The following FXN variants were observed in gnomAD, a reference collection of about 807,000 sequenced individuals.
The protein encoded by FXN is frataxin, also known as frataxin, mitochondrial.
Under a neutral mutation model 22.4 loss-of-function variants are expected in FXN, and 14 were observed. The observed-to-expected ratio is 0.62, with a 90% CI of 0.41 to 0.98. The LOEUF is 0.98. Among genes scored for constraint, FXN ranks in the 50% least tolerant of loss-of-function variants. The pLI is 0.00. For synonymous variants in FXN, 120 were observed against 114.1 expected (o/e 1.05, Z -0.33); for missense variants, 267 against 268.4 (o/e 0.99, Z 0.04).
Position 69,074,940 on chromosome 9 carries a change from CACTT to C in FXN, c.*2184_*2187del. The C allele has an allele frequency of 2.0e-6, 2 of 985,388 alleles. No individual in the cohort carries two copies. The highest frequency in any genetic ancestry group is 4.7e-5 in the South Asian group (1 of 21,284). 61.0% of individuals were successfully genotyped at this position (985,388 alleles called of 1,614,324 possible). A position where few individuals can be genotyped will look rare whatever the true frequency, so the allele number is the denominator to read the frequency against. Reference sequence around the variant, plus strand: ...TTCTACTGAAAGTTTCAGTGCACCCCACTTACTTAGAACTCGGTGACATGATGTA... The same window carrying C: ...TTCTACTGAAAGTTTCAGTGCACCCCACTTAGAACTCGGTGACATGATGTA... On this transcript the variant is annotated 3_prime_UTR_variant, in exon 5 of 5. Transcript: ENST00000484259.
intron 1 of FXN, among the ~76,000 whole-genome samples, chr9:69,042,712 A>G (rs1293867791): frequency 6.6e-6 from 1 of 152,198 alleles, no homozygotes; most frequent in African/African-American, 2.4e-5. Flanking sequence ...ACACAAACAA[A>G]AACAGCTATT....
rs184628569 is a variant in FXN, at chr9:69,077,414, A to G, written c.*4652A>G. On this transcript the variant is annotated 3_prime_UTR_variant, in exon 5 of 5. Coordinates refer to ENST00000484259, the MANE Select transcript of FXN (RefSeq NM_000144.5). ...TAAGGAATGGAAGGCACCAGAACAGATTTATTGAAATGTTTATTAGCTGAA... is the reference window on the plus strand; with the variant it reads ...TAAGGAATGGAAGGCACCAGAACAGGTTTATTGAAATGTTTATTAGCTGAA... 5.1e-6 allele frequency: 5 copies of G among 985,412 alleles called. No homozygotes were observed. The Admixed American group carries it at 3.1e-4, about 61-fold the overall frequency. The allele number at this position is 985,412 out of a possible 1,614,324, so 61.0% of individuals were successfully genotyped here. A position where few individuals can be genotyped will look rare whatever the true frequency, so the allele number is the denominator to read the frequency against.
chr9:69,058,318 C>T (rs149569204), intron 3 of FXN, among the ~76,000 whole-genome samples: 2 of 152,116 alleles, frequency 1.3e-5, no homozygotes, highest in African/African-American at 2.4e-5. Context: ...CTGTGGAGTC[C>T]GCTCTACTTG....
chr9:69,040,555 C>A (rs1831638646), intron 1 of FXN, among the ~76,000 whole-genome samples: 1 of 152,050 alleles, frequency 6.6e-6, no homozygotes, highest in South Asian at 2.1e-4. Flanking sequence ...GTAGTCCCCA[C>A]TACTCGGGAC....
At chr9:69,055,250 G>C (rs1003584708) in intron 3 of FXN, among the ~76,000 whole-genome samples, 2 of 152,172 alleles carry the variant, frequency 1.3e-5, no homozygotes, top group African/African-American at 2.4e-5. Context: ...GATCAGAGGT[G>C]GGGGAGTTAA....
chr9:69,043,910 A>G (rs1162215954), intron 1 of FXN, among the ~76,000 whole-genome samples: 2 of 152,042 alleles, frequency 1.3e-5, no homozygotes, highest in East Asian at 3.9e-4. Flanking sequence ...TCAAGTTGAA[A>G]TGAGGTCTCT....
At chr9:69,041,108 C>G (rs1227964260) in intron 1 of FXN, among the ~76,000 whole-genome samples, 1 of 152,164 alleles carries the variant, frequency 6.6e-6, no homozygotes, top group African/African-American at 2.4e-5. Context: ...TTGTTTGTTC[C>G]TCTGGAGGCC....
rs7857635 is a variant in FXN, at chr9:69,073,318, C to T, written c.*556C>T. 52,025 of 997,222 alleles carry T rather than the reference C, an allele frequency of 0.052. 1,608 individuals carry two copies. Among genetic ancestry groups the T allele is most frequent in the African/African-American group, 0.13 (7,311 of 57,346 alleles). The allele number at this position is 997,222 out of a possible 1,614,324, so 61.8% of individuals were successfully genotyped here. A position where few individuals can be genotyped will look rare whatever the true frequency, so the allele number is the denominator to read the frequency against. ...ACGGGAAGATCATTTCTTATTTGTG[C>T]TCTGTGACTGCCAAGGTGTGGCCTG... On this transcript the variant is annotated 3_prime_UTR_variant, in exon 5 of 5. Coordinates refer to ENST00000484259, the MANE Select transcript of FXN (RefSeq NM_000144.5).
rs980886180 is a variant in FXN, at chr9:69,075,320, C to T, written c.*2558C>T. ...TAAAAATATTAAAAAATTGGCTGGGCGTGGTGGTTCGTGCCTATAATTTCA... is the reference window on the plus strand; with the variant it reads ...TAAAAATATTAAAAAATTGGCTGGGTGTGGTGGTTCGTGCCTATAATTTCA... On this transcript the variant is annotated 3_prime_UTR_variant, in exon 5 of 5. Transcript: ENST00000484259. 7 of 577,926 alleles carry T rather than the reference C, an allele frequency of 1.2e-5. No individual in the cohort carries two copies. Among genetic ancestry groups the T allele is most frequent in the African/African-American group, 8.1e-5 (4 of 49,128 alleles). The allele number at this position is 577,926 out of a possible 1,614,324, so 35.8% of individuals were successfully genotyped here.
rs1237540886 is a variant in FXN, at chr9:69,076,240, A to G, written c.*3478A>G. The G allele has an allele frequency of 6.1e-6, 6 of 981,182 alleles. No homozygotes were observed. Among genetic ancestry groups the G allele is most frequent in the Non-Finnish European group, 7.2e-6 (6 of 827,720 alleles). 60.8% of individuals were successfully genotyped at this position (981,182 alleles called of 1,614,324 possible). On this transcript the variant is annotated 3_prime_UTR_variant, in exon 5 of 5. Coordinates refer to ENST00000484259, the MANE Select transcript of FXN (RefSeq NM_000144.5). ...ATGTTTTTTTTTTTTTTAATCTATA[A>G]AATGGAGATATCTAACATGTTGAGC...
At position 69,053,127 on chromosome 9, in the gene FXN, G is replaced by A; in HGVS notation, c.264-13G>A. The A allele has an allele frequency of 6.2e-7, 1 of 1,613,132 alleles. No individual in the cohort carries two copies. The highest frequency in any genetic ancestry group is 1.1e-5 in the South Asian group (1 of 90,958). On this transcript the variant is annotated splice_polypyrimidine_tract_variant and intron_variant, in intron 2 of 4. Transcript: ENST00000484259. ...TTGGTAATCATGTTTTGGGTTTTGT[G>A]CTTCCTCTGCAGCTCTCTAGATGAG...
intron 3 of FXN, among the ~76,000 whole-genome samples, chr9:69,059,209 G>A (rs10126006): frequency 0.37 from 56,556 of 151,818 alleles, 11,290 homozygotes; most frequent in Non-Finnish European, 0.43. Context: ...TACAAGAGTA[G>A]ATTGCAGTTC....
At chr9:69,044,942 G>A (rs1170440748) in intron 1 of FXN, among the ~76,000 whole-genome samples, 2 of 152,188 alleles carry the variant, frequency 1.3e-5, no homozygotes, top group Non-Finnish European at 2.9e-5. Flanking sequence ...GCAGGATTCT[G>A]CCTCTTGCTA....
At chr9:69,044,235 G>A (rs985217003) in intron 1 of FXN, among the ~76,000 whole-genome samples, 1 of 152,136 alleles carries the variant, frequency 6.6e-6, no homozygotes, top group African/African-American at 2.4e-5. Context: ...ATAAGAGTAC[G>A]TCCCTCACAG....
chr9:69,048,465 C>G (rs150103002), intron 2 of FXN, among the ~76,000 whole-genome samples: 1 of 152,010 alleles, frequency 6.6e-6, no homozygotes, highest in Non-Finnish European at 1.5e-5. Context: ...GTTAGCCAGG[C>G]GTGGTGGCAG....
Position 69,078,724 on chromosome 9 carries a change from A to C in FXN, c.*5962A>C, listed in dbSNP as rs1030821941. The C allele has an allele frequency of 4.1e-6, 4 of 985,238 alleles. No homozygotes were observed. The highest frequency in any genetic ancestry group is 4.8e-6 in the Non-Finnish European group (4 of 829,938). 61.0% of individuals were successfully genotyped at this position (985,238 alleles called of 1,614,324 possible). ...CTCAGACTTGGCCAGTGCTGTTTCC[A>C]TTTTGGTCTTTATTCCCCACATCTC... On this transcript the variant is annotated 3_prime_UTR_variant, in exon 5 of 5. Coordinates refer to ENST00000484259, the MANE Select transcript of FXN (RefSeq NM_000144.5).
chr9:69,059,391 CTTTTTTT>C (rs35159671), intron 3 of FXN, among the ~76,000 whole-genome samples: 37 of 62,996 alleles, frequency 5.9e-4, no homozygotes, highest in Middle Eastern at 0.024. Flanking sequence ...GAGGCAGCAT[CTTTTTTT>C]TTTTTTTTTT....
Position 69,078,317 on chromosome 9 carries a change from A to G in FXN, c.*5555A>G, listed in dbSNP as rs983935974. The G allele has an allele frequency of 8.1e-6, 8 of 985,410 alleles. No individual in the cohort carries two copies. The highest frequency in any genetic ancestry group is 9.6e-6 in the Non-Finnish European group (8 of 830,004). 61.0% of individuals were successfully genotyped at this position (985,410 alleles called of 1,614,324 possible). A position where few individuals can be genotyped will look rare whatever the true frequency, so the allele number is the denominator to read the frequency against. ...CTGCTGGGATTCCTCTTGCCAGTCC[A>G]TCAGCAGTTCCCCTTGAAAGTTTCA... On this transcript the variant is annotated 3_prime_UTR_variant, in exon 5 of 5. Coordinates refer to ENST00000484259, the MANE Select transcript of FXN (RefSeq NM_000144.5).
Position 69,076,458 on chromosome 9 carries a change from C to T in FXN, c.*3696C>T, listed in dbSNP as rs1171964457. On this transcript the variant is annotated 3_prime_UTR_variant, in exon 5 of 5. Transcript: ENST00000484259. ...TTAACTTCGTATTAGATTCTGATTC[C>T]CTGGAACCATTTATCGTGTGCCTTA... 1 of 985,384 alleles carries T rather than the reference C, an allele frequency of 1.0e-6. No homozygotes were observed. The highest frequency in any genetic ancestry group is 1.2e-6 in the Non-Finnish European group (1 of 829,920). 61.0% of individuals were successfully genotyped at this position (985,384 alleles called of 1,614,324 possible). A position where few individuals can be genotyped will look rare whatever the true frequency, so the allele number is the denominator to read the frequency against.
Sources: gnomAD v4.1 joint callset for allele counts (sites outside exome capture counted in the v4.1 genomes callset) on GRCh38, gnomAD v4.1.1 for gene constraint, MANE v1.5 for transcripts, NCBI Gene and HGNC (gene_info 2026-07-23, HGNC 2026-07-21) for gene names.